Variants in AFG1L observed in about 807,000 individuals in gnomAD.
The protein encoded by AFG1L is AFG1 like ATPase.
Under a neutral mutation model 62.2 loss-of-function variants are expected in AFG1L, and 53 were observed. The ratio of observed to expected loss-of-function variants is 0.85; its 90% confidence interval spans 0.68 to 1.07. The LOEUF is 1.07. AFG1L is among the 50% of genes least tolerant of loss of function. The pLI is 0.00. For missense variants in AFG1L, 555 were observed against 590.5 expected, an observed-to-expected ratio of 0.94 and a Z score of 0.62; for synonymous variants, 228 against 210.3, an observed-to-expected ratio of 1.08 and a Z score of -0.73.
Position 108,346,908 on chromosome 6 carries a change from G to A in AFG1L, c.364-80G>A, listed in dbSNP as rs567906647. The A allele has an allele frequency of 8.5e-6, 9 of 1,061,470 alleles. No individual in the cohort carries two copies. In the African/African-American group the frequency reaches 1.4e-4, roughly 17 times the overall value. 65.8% of individuals were successfully genotyped at this position (1,061,470 alleles called of 1,614,324 possible). A position where few individuals can be genotyped will look rare whatever the true frequency, so the allele number is the denominator to read the frequency against. ...ATAGCCCCTCTTGGTTCTGTATATAGGACAGTTAGGAAGACTATGTATATG... is the reference window on the plus strand; with the variant it reads ...ATAGCCCCTCTTGGTTCTGTATATAAGACAGTTAGGAAGACTATGTATATG... On this transcript the variant is annotated intron_variant, in intron 2 of 12. Transcript: ENST00000368977.
chr6:108,338,282 C>T (rs4326264), intron 2 of AFG1L, among the ~76,000 whole-genome samples: 16,097 of 152,150 alleles, frequency 0.11, 2,411 homozygotes, highest in African/African-American at 0.33. Context: ...TTAGTTTTGC[C>T]ATCTAATTCA....
intron 2 of AFG1L, among the ~76,000 whole-genome samples, chr6:108,324,970 G>T (rs1777981514): frequency 1.3e-5 from 2 of 152,142 alleles, no homozygotes; most frequent in Non-Finnish European, 2.9e-5. Flanking sequence ...TGGGATTACA[G>T]GTGTGAGCCA....
intron 5 of AFG1L, among the ~76,000 whole-genome samples, chr6:108,366,004 C>T (rs763382950): frequency 6.6e-6 from 1 of 151,966 alleles, no homozygotes; most frequent in Non-Finnish European, 1.5e-5. Context: ...TATCATAGAA[C>T]CATTTGGTAA....
chr6:108,365,786 C>T (rs1174517660), intron 5 of AFG1L, among the ~76,000 whole-genome samples: 1 of 151,956 alleles, frequency 6.6e-6, no homozygotes, highest in Non-Finnish European at 1.5e-5. Flanking sequence ...GTCACCTTTC[C>T]AGGGACCTTT....
intron 12 of AFG1L, 45 bp downstream of exon 12, chr6:108,519,855 A>G (rs1203195020): frequency 7.7e-7 from 1 of 1,299,384 alleles, no homozygotes. Context: ...AAACAGCTTA[A>G]TTGTTTTTGG....
At chr6:108,310,768 T>G (rs2114838094) in intron 1 of AFG1L, among the ~76,000 whole-genome samples, 1 of 152,108 alleles carries the variant, frequency 6.6e-6, no homozygotes, top group East Asian at 1.9e-4. Context: ...GGTGATGGGG[T>G]TTCGCCATGT....
At chr6:108,495,303 G>A (rs543967803) in intron 10 of AFG1L, among the ~76,000 whole-genome samples, 3 of 152,272 alleles carry the variant, frequency 2.0e-5, no homozygotes, top group Admixed American at 2.0e-4. Context: ...AGCTATCAGC[G>A]TATTCCTACA....
At chr6:108,481,595 AAAAT>A (rs145811038) in intron 10 of AFG1L, among the ~76,000 whole-genome samples, 3,559 of 152,306 alleles carry the variant, frequency 0.023, 132 homozygotes, top group African/African-American at 0.081. Flanking sequence ...ACTCACAGTA[AAAAT>A]AAATAAATAA....
chr6:108,300,592 C>T (rs993449270), intron 1 of AFG1L, among the ~76,000 whole-genome samples: 1 of 151,576 alleles, frequency 6.6e-6, no homozygotes, highest in African/African-American at 2.4e-5. Context: ...ATTAGTAGTA[C>T]ATATTACTAG....
intron 2 of AFG1L, among the ~76,000 whole-genome samples, chr6:108,334,724 C>A (rs1778413286): frequency 6.6e-6 from 1 of 152,006 alleles, no homozygotes; most frequent in Admixed American, 6.6e-5. Context: ...AGCTTTCAGC[C>A]CCCTCAGGAT....
intron 1 of AFG1L, among the ~76,000 whole-genome samples, chr6:108,314,970 A>G (rs955199404): frequency 2.0e-5 from 3 of 151,820 alleles, no homozygotes; most frequent in East Asian, 1.9e-4. Context: ...ACATGAGTAG[A>G]TGGGGTTACA....
At chr6:108,438,958 G>A (rs373435661) in intron 7 of AFG1L, among the ~76,000 whole-genome samples, 6 of 152,182 alleles carry the variant, frequency 3.9e-5, no homozygotes, top group East Asian at 1.9e-4. Flanking sequence ...GACTCAGGCC[G>A]TGTGGTCTGC....
intron 8 of AFG1L, among the ~76,000 whole-genome samples, chr6:108,453,246 A>G (rs773457378): frequency 1.2e-4 from 18 of 152,192 alleles, no homozygotes; most frequent in Non-Finnish European, 2.1e-4. Context: ...TGAAAAATCT[A>G]ATTTATGGAT....
At chr6:108,405,658 T>C (rs1052483138) in intron 7 of AFG1L, among the ~76,000 whole-genome samples, 1 of 152,206 alleles carries the variant, frequency 6.6e-6, no homozygotes, top group African/African-American at 2.4e-5. Context: ...ATTTTAATGA[T>C]TTTTAAGGGT....
intron 10 of AFG1L, 111 bp from the exon 11 acceptor site, chr6:108,510,101 T>A (rs1774584351): frequency 1.3e-6 from 1 of 753,676 alleles, no homozygotes; most frequent in Non-Finnish European, 2.1e-6. Context: ...TACCCACAGC[T>A]ACCACCTAGA....
chr6:108,493,922 C>T (rs1337668541), intron 10 of AFG1L, among the ~76,000 whole-genome samples: 2 of 152,104 alleles, frequency 1.3e-5, no homozygotes, highest in African/African-American at 4.8e-5. Flanking sequence ...CTGCAACCTC[C>T]GCCCTTCAGG....
intron 6 of AFG1L, among the ~76,000 whole-genome samples, chr6:108,368,531 G>T (rs187286525): frequency 6.6e-6 from 1 of 152,204 alleles, no homozygotes; most frequent in African/African-American, 2.4e-5. Flanking sequence ...GTTATATACA[G>T]CATTCTTGTG....
At chr6:108,507,719 C>G (rs1029303187) in intron 10 of AFG1L, among the ~76,000 whole-genome samples, 1 of 152,148 alleles carries the variant, frequency 6.6e-6, no homozygotes, top group Admixed American at 6.5e-5. Flanking sequence ...GACACTAAAT[C>G]CTAACTGATC....
intron 10 of AFG1L, among the ~76,000 whole-genome samples, chr6:108,498,103 T>G (rs2114868812): frequency 6.6e-6 from 1 of 152,264 alleles, no homozygotes; most frequent in East Asian, 1.9e-4. Context: ...TCTCTCCTCC[T>G]CCAGCAGGCT....
Sources: gnomAD v4.1 joint callset for allele counts (sites outside exome capture counted in the v4.1 genomes callset) on GRCh38, gnomAD v4.1.1 for gene constraint, MANE v1.5 for transcripts, NCBI Gene and HGNC (gene_info 2026-07-23, HGNC 2026-07-21) for gene names.